Variants in LRRC7 observed in about 807,000 individuals in gnomAD.
LRRC7 encodes leucine-rich repeat-containing protein 7.
Under a neutral mutation model 175.7 loss-of-function variants are expected in LRRC7, and 23 were observed. The observed-to-expected ratio is 0.13, with a 90% CI of 0.09 to 0.19. The LOEUF (loss-of-function observed/expected upper bound fraction) is 0.19, where lower values mean the gene tolerates loss of function less well. LRRC7 is among the 10% of genes least tolerant of loss of function. The pLI is 1.00. For synonymous variants in LRRC7, 685 were observed against 680.9 expected, an observed-to-expected ratio of 1.01 and a Z score of -0.09; for missense variants, 1,354 against 1,904.7, an observed-to-expected ratio of 0.71 and a Z score of 5.38.
intron 3 of LRRC7, among the ~76,000 whole-genome samples, chr1:69,772,663 T>A (rs1174407198): frequency 6.6e-6 from 1 of 152,210 alleles, no homozygotes; most frequent in East Asian, 1.9e-4. Flanking sequence ...TGGCTTCAAC[T>A]AGACTGACAA....
intron 2 of LRRC7, among the ~76,000 whole-genome samples, chr1:69,697,208 G>A (rs541086998): frequency 6.6e-5 from 10 of 151,584 alleles, no homozygotes; most frequent in East Asian, 3.9e-4. Flanking sequence ...CACTTCTTCC[G>A]TTCTAATAAG....
intron 2 of LRRC7, among the ~76,000 whole-genome samples, chr1:69,723,605 A>AT (rs1291626077): frequency 5.3e-5 from 8 of 152,124 alleles, no homozygotes; most frequent in Non-Finnish European, 1.2e-4. Context: ...AGACTCTTCT[A>AT]TTTTTTACAA....
intron 23 of LRRC7, among the ~76,000 whole-genome samples, chr1:70,056,241 C>T (rs1034529926): frequency 2.0e-5 from 3 of 152,002 alleles, no homozygotes; most frequent in African/African-American, 7.3e-5. Flanking sequence ...GCCCAGAACT[C>T]CATGGAACAG....
chr1:69,980,369 T>A lies in LRRC7; in HGVS notation c.712-10T>A. 1 of 1,608,344 alleles carries A rather than the reference T, an allele frequency of 6.2e-7. No individual in the cohort carries two copies. Among genetic ancestry groups the A allele is most frequent in the South Asian group, 1.1e-5 (1 of 90,224 alleles). ...TTTTCCTCTCTCCTTCCTCCCCACT[T>A]CTCTCCCAGCCTGAAGTTCTGGATC... is the stretch of plus-strand genomic sequence containing the variant. On this transcript the variant is annotated splice_polypyrimidine_tract_variant and intron_variant, in intron 8 of 26. Coordinates refer to ENST00000651989, the MANE Select transcript of LRRC7 (RefSeq NM_001370785.2).
intron 2 of LRRC7, among the ~76,000 whole-genome samples, chr1:69,694,509 A>G (rs553425124): frequency 5.9e-5 from 9 of 152,176 alleles, no homozygotes; most frequent in Non-Finnish European, 1.0e-4. Context: ...AGATATCTTT[A>G]GGCTTCAGTC....
intron 7 of LRRC7, among the ~76,000 whole-genome samples, chr1:69,927,713 A>AT (rs1241341200): frequency 4.0e-5 from 6 of 151,434 alleles, no homozygotes; most frequent in African/African-American, 1.5e-4. Flanking sequence ...ATTCATCTAA[A>AT]TTTTTTTCAA....
chr1:69,989,243 C>G (rs1048800716), intron 10 of LRRC7, among the ~76,000 whole-genome samples: 2 of 151,964 alleles, frequency 1.3e-5, no homozygotes, highest in Non-Finnish European at 2.9e-5. Context: ...TCAAAGGACA[C>G]CAAGTTGCAG....
At chr1:69,682,206 C>G (rs867205461) in intron 2 of LRRC7, among the ~76,000 whole-genome samples, 3 of 152,228 alleles carry the variant, frequency 2.0e-5, no homozygotes, top group Middle Eastern at 3.4e-3. Context: ...GGGAGAATTA[C>G]CTCTCTTTTA....
chr1:69,767,194 G>T (rs977969241), intron 3 of LRRC7, among the ~76,000 whole-genome samples: 16 of 152,094 alleles, frequency 1.1e-4, no homozygotes, highest in Non-Finnish European at 2.4e-4. Flanking sequence ...GCCATAGCAT[G>T]TGTCGGTACT....
chr1:69,742,866 A>G (rs1158941220), intron 2 of LRRC7, among the ~76,000 whole-genome samples: 6 of 151,948 alleles, frequency 3.9e-5, no homozygotes, highest in Non-Finnish European at 8.8e-5. Flanking sequence ...TTCCTTTTGT[A>G]CTCAGAACAG....
intron 4 of LRRC7, among the ~76,000 whole-genome samples, chr1:69,810,107 A>G (rs906507234): frequency 3.3e-5 from 5 of 152,184 alleles, no homozygotes; most frequent in African/African-American, 9.7e-5. Context: ...CAAAAATCAC[A>G]AGCATTCCTA....
At chr1:69,806,913 T>C (rs1677182240) in intron 4 of LRRC7, among the ~76,000 whole-genome samples, 1 of 151,992 alleles carries the variant, frequency 6.6e-6, no homozygotes, top group Admixed American at 6.6e-5. Context: ...ACTCAGACAA[T>C]TTTAAGGAGG....
chr1:70,073,430 G>A (rs144622427), intron 23 of LRRC7, among the ~76,000 whole-genome samples: 129 of 152,118 alleles, frequency 8.5e-4, no homozygotes, highest in African/African-American at 3.0e-3. Flanking sequence ...CAGCCCGGGC[G>A]ACAGAGTAAG....
intron 23 of LRRC7, among the ~76,000 whole-genome samples, chr1:70,055,319 T>C (rs553294341): frequency 2.0e-5 from 3 of 152,262 alleles, no homozygotes; most frequent in African/African-American, 4.8e-5. Flanking sequence ...ATATAAAGTA[T>C]TTTAAACAGA....
chr1:69,840,780 T>C lies in LRRC7; in HGVS notation c.647+2497T>C, dbSNP rs560977254. 1.9e-3 allele frequency among the ~76,000 whole-genome samples: 284 copies of C among 152,186 alleles called. 2 individuals are homozygous for C. The highest frequency in any genetic ancestry group is 3.9e-3 in the Admixed American group (60 of 15,238). ...CCTAAAACTCATTGAAATAGTCAAG[T>C]CTTGATTATTTGTAATAATAGAATA... On this transcript the variant is annotated intron_variant, in intron 7 of 26. Coordinates refer to ENST00000651989, the MANE Select transcript of LRRC7 (RefSeq NM_001370785.2).
At chr1:69,988,894 T>A (rs12024298) in intron 10 of LRRC7, among the ~76,000 whole-genome samples, 9,418 of 152,122 alleles carry the variant, frequency 0.062, 283 homozygotes, top group South Asian at 0.11. Flanking sequence ...ACATTCACCC[T>A]CACAAATGAG....
chr1:69,711,596 C>A (rs1234700989), intron 2 of LRRC7, among the ~76,000 whole-genome samples: 3 of 152,172 alleles, frequency 2.0e-5, no homozygotes, highest in Non-Finnish European at 4.4e-5. Flanking sequence ...TAAACACTTG[C>A]ATTAGGCAAT....
At chr1:69,665,406 T>G (rs1028714142) in intron 1 of LRRC7, among the ~76,000 whole-genome samples, 3 of 152,154 alleles carry the variant, frequency 2.0e-5, no homozygotes, top group African/African-American at 7.2e-5. Context: ...GTATGGACAT[T>G]TTTACATTGA....
intron 7 of LRRC7, among the ~76,000 whole-genome samples, chr1:69,911,423 G>A (rs927233616): frequency 6.6e-6 from 1 of 152,196 alleles, no homozygotes; most frequent in Non-Finnish European, 1.5e-5. Flanking sequence ...CATCAACAGT[G>A]TTTAAGTGTT....
Sources: gnomAD v4.1 joint callset for allele counts (sites outside exome capture counted in the v4.1 genomes callset) on GRCh38, gnomAD v4.1.1 for gene constraint, MANE v1.5 for transcripts, NCBI Gene and HGNC (gene_info 2026-07-23, HGNC 2026-07-21) for gene names.